The following LRP1B variants were observed in gnomAD, a reference collection of about 807,000 sequenced individuals.
LRP1B encodes LDL receptor related protein 1B, also known as low-density lipoprotein receptor-related protein 1B.
A neutral mutation model predicts 556.6 loss-of-function variants in LRP1B; 217 were observed. The ratio of observed to expected loss-of-function variants is 0.39; its 90% confidence interval spans 0.35 to 0.44. LRP1B has a LOEUF of 0.44. Among genes scored for constraint, LRP1B ranks in the 20% least tolerant of loss-of-function variants. The probability of loss-of-function intolerance (pLI) is 1.00; values close to 1 mark genes in which losing one functional copy is unlikely to be tolerated. For missense variants in LRP1B, 5,053 were observed against 5,620.8 expected, an observed-to-expected ratio of 0.90 and a Z score of 3.23; for synonymous variants, 2,047 against 1,865.8, an observed-to-expected ratio of 1.10 and a Z score of -2.50.
intron 41 of LRP1B, among the ~76,000 whole-genome samples, chr2:140,680,344 G>T (rs1447683095): frequency 2.0e-5 from 3 of 148,380 alleles, no homozygotes; most frequent in African/African-American, 7.6e-5. Context: ...CTTGCGGGTT[G>T]CAGAAATAAG....
intron 25 of LRP1B, among the ~76,000 whole-genome samples, chr2:140,869,122 G>T (rs2105158689): frequency 6.6e-6 from 1 of 151,974 alleles, no homozygotes; most frequent in East Asian, 1.9e-4. Context: ...AAACCAATCA[G>T]CAAGAATTCC....
At chr2:141,080,646 C>G (rs978117982) in intron 7 of LRP1B, among the ~76,000 whole-genome samples, 1 of 152,098 alleles carries the variant, frequency 6.6e-6, no homozygotes, top group African/African-American at 2.4e-5. Flanking sequence ...GCTTGGTAAA[C>G]GATGGTGCAT....
rs1419704223 is a variant in LRP1B at position 140,285,685 on chromosome 2, AT to A, written c.12968-11088del. Among the ~76,000 whole-genome samples the A allele has an allele frequency of 2.0e-5, 3 of 151,942 alleles. No homozygotes were observed. In the East Asian group the frequency reaches 5.8e-4, roughly 30 times the overall value. On this transcript the variant is annotated intron_variant, in intron 84 of 90. Transcript: ENST00000389484. ...GGTTTCAGAAAATCACTTTAATTAC[AT>A]TGTTAATAGCATTTAACCTTTAACA...
chr2:140,723,698 T>C (rs1351028869), intron 35 of LRP1B, among the ~76,000 whole-genome samples: 1 of 152,236 alleles, frequency 6.6e-6, no homozygotes, highest in East Asian at 1.9e-4. Flanking sequence ...TGTTGCCATA[T>C]GGCCAATAAT....
At chr2:141,441,892 CA>C in intron 3 of LRP1B, among the ~76,000 whole-genome samples, 1 of 152,114 alleles carries the variant, frequency 6.6e-6, no homozygotes, top group East Asian at 1.9e-4. Flanking sequence ...ATCTGGTAAT[CA>C]AGGTTCTCAA....
intron 1 of LRP1B, among the ~76,000 whole-genome samples, chr2:141,924,026 T>C (rs1700269410): frequency 1.3e-5 from 2 of 151,944 alleles, no homozygotes; most frequent in Admixed American, 6.6e-5. Context: ...GCAGTTCCCG[T>C]GCAAAGGCTC....
intron 3 of LRP1B, among the ~76,000 whole-genome samples, chr2:141,463,086 C>T (rs1272691495): frequency 1.3e-5 from 2 of 152,120 alleles, no homozygotes; most frequent in East Asian, 3.9e-4. Context: ...TAATATTCTG[C>T]ATTAGTAAAC....
chr2:141,825,071 G>A (rs746192350), intron 1 of LRP1B, among the ~76,000 whole-genome samples: 1 of 152,104 alleles, frequency 6.6e-6, no homozygotes, highest in Non-Finnish European at 1.5e-5. Context: ...TCCTGAGGCC[G>A]CCCCAAACAT....
intron 7 of LRP1B, among the ~76,000 whole-genome samples, chr2:141,115,625 T>TTGTGTG (rs70991139): frequency 5.5e-5 from 5 of 91,560 alleles, no homozygotes; most frequent in African/African-American, 7.2e-5. Context: ...CCCGGCTAAT[T>TTGTGTG]TGTGTGTGTG....
At chr2:141,420,873 C>G (rs1450223580) in intron 3 of LRP1B, among the ~76,000 whole-genome samples, 1 of 152,138 alleles carries the variant, frequency 6.6e-6, no homozygotes, top group Non-Finnish European at 1.5e-5. Flanking sequence ...TCAGGTAGTC[C>G]TCAGAAAAAC....
At chr2:140,929,832 A>G (rs1694998686) in intron 20 of LRP1B, among the ~76,000 whole-genome samples, 1 of 151,004 alleles carries the variant, frequency 6.6e-6, no homozygotes, top group South Asian at 2.1e-4. Context: ...CTTCCTTACT[A>G]TAAATTAAAA....
intron 6 of LRP1B, among the ~76,000 whole-genome samples, chr2:141,221,492 A>C (rs1378379065): frequency 6.6e-6 from 1 of 152,136 alleles, no homozygotes; most frequent in Non-Finnish European, 1.5e-5. Context: ...AATATTATAC[A>C]GATTGAGATA....
At chr2:140,233,939 AT>A (rs1307939007) in intron 90 of LRP1B, among the ~76,000 whole-genome samples, 1 of 151,332 alleles carries the variant, frequency 6.6e-6, no homozygotes, top group Non-Finnish European at 1.5e-5. Context: ...CAAACATAGC[AT>A]TTTGAAGTAG....
intron 41 of LRP1B, among the ~76,000 whole-genome samples, chr2:140,604,228 G>GAA (rs67568538): frequency 2.2e-5 from 3 of 136,746 alleles, no homozygotes; most frequent in African/African-American, 8.0e-5. Context: ...CACTTGCCAA[G>GAA]AAAAAAAAAA....
At chr2:140,894,468 A>G (rs143567144) in intron 23 of LRP1B, among the ~76,000 whole-genome samples, 14 of 152,230 alleles carry the variant, frequency 9.2e-5, no homozygotes, top group African/African-American at 2.6e-4. Context: ...TAAGACATGG[A>G]GAGAGAAGGC....
At chr2:140,631,601 C>T (rs1049944448) in intron 41 of LRP1B, among the ~76,000 whole-genome samples, 21 of 152,048 alleles carry the variant, frequency 1.4e-4, no homozygotes, top group African/African-American at 4.1e-4. Flanking sequence ...AGAAACTTCT[C>T]GAGCTAAAAT....
At chr2:140,343,916 G>A (rs956908960) in intron 77 of LRP1B, among the ~76,000 whole-genome samples, 6 of 151,624 alleles carry the variant, frequency 4.0e-5, no homozygotes, top group African/African-American at 1.5e-4. Context: ...CCTGGTGATG[G>A]GAGAGAAGTG....
intron 1 of LRP1B, among the ~76,000 whole-genome samples, chr2:142,048,079 A>G (rs1704321542): frequency 6.6e-6 from 1 of 151,990 alleles, no homozygotes; most frequent in African/African-American, 2.4e-5. Context: ...ATCATAAGTG[A>G]CCATTTTTTC....
At chr2:141,296,275 A>G (rs1686180230) in intron 3 of LRP1B, among the ~76,000 whole-genome samples, 1 of 152,356 alleles carries the variant, frequency 6.6e-6, no homozygotes, top group East Asian at 1.9e-4. Flanking sequence ...AAATGCATTC[A>G]GTATTTAAAT....
Sources: gnomAD v4.1 joint callset for allele counts (sites outside exome capture counted in the v4.1 genomes callset) on GRCh38, gnomAD v4.1.1 for gene constraint, MANE v1.5 for transcripts, NCBI Gene and HGNC (gene_info 2026-07-23, HGNC 2026-07-21) for gene names.